LOC128462377: variants seen among roughly 807,000 people sequenced by gnomAD.
At chr16:89,321,510 C>A in the LOC128462377 span, among the ~76,000 whole-genome samples, 3 of 152,162 alleles carry the variant, frequency 2.0e-5, no homozygotes, top group East Asian at 5.8e-4. Flanking sequence ...GGGGCAGGGG[C>A]TGCCCAGGAG....
the LOC128462377 span, among the ~76,000 whole-genome samples, chr16:89,371,101 G>A: frequency 7.9e-4 from 121 of 152,260 alleles, 1 homozygote; most frequent in African/African-American, 2.9e-3. Context: ...CTCGCTTACT[G>A]AAAACCGCCG....
At chr16:89,391,240 A>AG in the LOC128462377 span, among the ~76,000 whole-genome samples, 1 of 151,946 alleles carries the variant, frequency 6.6e-6, no homozygotes, top group East Asian at 1.9e-4. Context: ...AAAAAAAAAA[A>AG]AAAAAAAATG....
the LOC128462377 span, among the ~76,000 whole-genome samples, chr16:89,371,055 G>A: frequency 6.6e-6 from 1 of 152,304 alleles, no homozygotes; most frequent in East Asian, 1.9e-4. Context: ...TCATGACGAA[G>A]GGGACTTGTT....
At chr16:89,354,758 T>C in the LOC128462377 span, among the ~76,000 whole-genome samples, 1 of 152,120 alleles carries the variant, frequency 6.6e-6, no homozygotes, top group Admixed American at 6.6e-5. Flanking sequence ...GGCGAGCACC[T>C]GTAATCCCAG....
the LOC128462377 span, among the ~76,000 whole-genome samples, chr16:89,353,673 T>A: frequency 3.5e-4 from 53 of 152,234 alleles, no homozygotes; most frequent in Admixed American, 1.1e-3. Flanking sequence ...AGAGACAGGG[T>A]TTCATCATGT....
chr16:89,342,783 T>C, the LOC128462377 span, among the ~76,000 whole-genome samples: 2 of 152,212 alleles, frequency 1.3e-5, no homozygotes, highest in Non-Finnish European at 2.9e-5. Context: ...CACAATTGCA[T>C]GTTAAAACAT....
chr16:89,350,649 T>G, the LOC128462377 span, among the ~76,000 whole-genome samples: 1 of 152,202 alleles, frequency 6.6e-6, no homozygotes. Flanking sequence ...TAGGATGACA[T>G]GCTGCTGCAA....
chr16:89,411,012 G>C, the LOC128462377 span, among the ~76,000 whole-genome samples: 1 of 152,220 alleles, frequency 6.6e-6, no homozygotes, highest in African/African-American at 2.4e-5. Context: ...CCTGCAGAGA[G>C]AAGGGTGGCC....
the LOC128462377 span, among the ~76,000 whole-genome samples, chr16:89,409,896 G>C: frequency 1.3e-5 from 2 of 151,206 alleles, no homozygotes. Context: ...CTGGAGTGTA[G>C]TGGCACAATC....
At chr16:89,335,554 T>C in the LOC128462377 span, among the ~76,000 whole-genome samples, 1 of 152,206 alleles carries the variant, frequency 6.6e-6, no homozygotes, top group Non-Finnish European at 1.5e-5. Flanking sequence ...GCGTGCTGCC[T>C]CAGGACCCTG....
the LOC128462377 span, among the ~76,000 whole-genome samples, chr16:89,398,588 C>G: frequency 6.6e-6 from 1 of 151,978 alleles, no homozygotes; most frequent in Non-Finnish European, 1.5e-5. Flanking sequence ...AATAAAAAAA[C>G]AAAAATAGCT....
chr16:89,351,144 G>A, the LOC128462377 span, among the ~76,000 whole-genome samples: 23 of 152,208 alleles, frequency 1.5e-4, no homozygotes, highest in Admixed American at 8.5e-4. Context: ...GGACGATGGC[G>A]GGCACAAGAG....
chr16:89,398,724 A>G, the LOC128462377 span, among the ~76,000 whole-genome samples: 1 of 152,038 alleles, frequency 6.6e-6, no homozygotes, highest in Non-Finnish European at 1.5e-5. Flanking sequence ...AGCCTCAGTG[A>G]CAGAGAGAGA....
the LOC128462377 span, among the ~76,000 whole-genome samples, chr16:89,356,781 A>AG: frequency 6.5e-5 from 2 of 30,806 alleles, no homozygotes; most frequent in South Asian, 1.1e-3. Flanking sequence ...ACTCCGTCTC[A>AG]AAAAAAAAAA....
the LOC128462377 span, among the ~76,000 whole-genome samples, chr16:89,397,248 A>C: frequency 6.6e-6 from 1 of 152,212 alleles, no homozygotes; most frequent in African/African-American, 2.4e-5. Flanking sequence ...AGACACAGCC[A>C]TCAAGGCATC....
At chr16:89,402,287 C>T in the LOC128462377 span, among the ~76,000 whole-genome samples, 2 of 152,220 alleles carry the variant, frequency 1.3e-5, no homozygotes, top group East Asian at 1.9e-4. Context: ...GTAGAAAGAA[C>T]GAGGCTTGTC....
chr16:89,358,214 C>T, the LOC128462377 span, among the ~76,000 whole-genome samples: 10 of 152,242 alleles, frequency 6.6e-5, no homozygotes, highest in Admixed American at 3.3e-4. Context: ...AGCCCCCACA[C>T]CTCACTCTGG....
chr16:89,340,731 G>C, the LOC128462377 span, among the ~76,000 whole-genome samples: 1 of 152,322 alleles, frequency 6.6e-6, no homozygotes, highest in South Asian at 2.1e-4. Flanking sequence ...GTGCTAACAG[G>C]AGGCTGTTCA....
the LOC128462377 span, among the ~76,000 whole-genome samples, chr16:89,327,606 A>T: frequency 6.6e-6 from 1 of 152,236 alleles, no homozygotes; most frequent in Non-Finnish European, 1.5e-5. Flanking sequence ...AGACAGTACC[A>T]TCCTATTTCT....
Sources: gnomAD v4.1 joint callset for allele counts (sites outside exome capture counted in the v4.1 genomes callset) on GRCh38, gnomAD v4.1.1 for gene constraint, MANE v1.5 for transcripts.